Variants in TMEM132C observed in about 807,000 individuals in gnomAD.
The protein encoded by TMEM132C is transmembrane protein 132C.
In TMEM132C, 29 loss-of-function variants were observed where a neutral mutation model predicts 61.4. The ratio of observed to expected loss-of-function variants is 0.47; its 90% CI spans 0.35 to 0.64. The LOEUF is 0.64. TMEM132C is among the 30% of genes least tolerant of loss of function. TMEM132C has a pLI of 0.00. For synonymous variants in TMEM132C, 656 were observed against 633.1 expected, an observed-to-expected ratio of 1.04 and a Z score of -0.54; for missense variants, 1,408 against 1,476.9, an observed-to-expected ratio of 0.95 and a Z score of 0.76.
chr12:128,394,007 G>A (rs1468661780), intron 1 of TMEM132C, among the ~76,000 whole-genome samples: 1 of 152,112 alleles, frequency 6.6e-6, no homozygotes, highest in Non-Finnish European at 1.5e-5. Flanking sequence ...GCTGATAAAG[G>A]CACACCCAAG....
At chr12:128,670,292 G>C (rs1280778935) in intron 5 of TMEM132C, among the ~76,000 whole-genome samples, 1 of 152,196 alleles carries the variant, frequency 6.6e-6, no homozygotes, top group Non-Finnish European at 1.5e-5. Context: ...CTGGGTGGCA[G>C]AGCGAGACTC....
chr12:128,474,969 G>C (rs77831203), intron 2 of TMEM132C, among the ~76,000 whole-genome samples: 2,682 of 152,172 alleles, frequency 0.018, 86 homozygotes, highest in African/African-American at 0.062. Flanking sequence ...TTCTTTGCCC[G>C]GGACAATGAC....
In TMEM132C at chr12:128,415,073, A is replaced by G; in HGVS notation, c.427A>G (p.Ser143Gly). The G allele has an allele frequency of 6.2e-7, 1 of 1,601,184 alleles. No homozygotes were observed. Reference protein sequence around the residue: ...AHILRDKVYLSRPKVQVLFHI... With the variant: ...AHILRDKVYLGRPKVQVLFHI... Reference sequence around the variant, plus strand: ...CATCCTGCGGGACAAAGTCTACCTGAGCCGGCCCAAAGTGCAGGTTCTTTT... The same window carrying G: ...CATCCTGCGGGACAAAGTCTACCTGGGCCGGCCCAAAGTGCAGGTTCTTTT... Residue 143 changes from serine to glycine, a missense_variant, in exon 2 of 9, where the codon AGC becomes GGC. Physicochemically the swap from Ser to Gly is moderately conservative, Grantham distance 56. Coordinates refer to ENST00000435159, the MANE Select transcript of TMEM132C (RefSeq NM_001136103.3). The surrounding 1 kb of genome is among the most constrained non-coding windows in gnomAD (Gnocchi z 5.8).
chr12:128,307,530 T>C (rs1317899211), intron 1 of TMEM132C, among the ~76,000 whole-genome samples: 1 of 152,194 alleles, frequency 6.6e-6, no homozygotes, highest in African/African-American at 2.4e-5. Context: ...TTCTATCAGG[T>C]GACATGAAAA....
intron 5 of TMEM132C, among the ~76,000 whole-genome samples, chr12:128,681,784 G>T (rs957001412): frequency 6.7e-6 from 1 of 148,672 alleles, no homozygotes; most frequent in Non-Finnish European, 1.5e-5. Context: ...CTCCTGAGTA[G>T]CTGGGACTAC....
chr12:128,627,837 G>A (rs546853374), intron 4 of TMEM132C, among the ~76,000 whole-genome samples: 3 of 152,338 alleles, frequency 2.0e-5, no homozygotes, highest in Admixed American at 6.5e-5. Context: ...GTCCTGGTCA[G>A]TGCCATGAAA....
chr12:128,626,739 C>T (rs576091523), intron 4 of TMEM132C, among the ~76,000 whole-genome samples: 2 of 152,202 alleles, frequency 1.3e-5, no homozygotes, highest in African/African-American at 2.4e-5. Context: ...GCCACCATGC[C>T]CGGCCAGTAA....
In TMEM132C at chr12:128,705,101, C is replaced by A; in HGVS notation, c.2133C>A (p.Phe711Leu). ...CTGTGTCCCTGCAGGAGGCTGTATT[C>A]AGCACGTGGCTGCAGTTCAGTGATG... ...VLRTPKQEAV[F>L]STWLQFSDGS... is the part of the protein sequence containing the mutation. Residue 711 changes from phenylalanine to leucine, a missense_variant, in exon 9 of 9, where the codon TTC (phenylalanine) becomes TTA (leucine). Coordinates refer to ENST00000435159, the MANE Select transcript of TMEM132C (RefSeq NM_001136103.3). The A allele has an allele frequency of 6.5e-7, 1 of 1,537,646 alleles. No homozygotes were observed. The highest frequency in any genetic ancestry group is 8.8e-7 in the Non-Finnish European group (1 of 1,137,140).
chr12:128,615,586 C>T (rs902849139), intron 3 of TMEM132C, among the ~76,000 whole-genome samples: 1 of 152,084 alleles, frequency 6.6e-6, no homozygotes, highest in Non-Finnish European at 1.5e-5. Context: ...CAGTTCATGC[C>T]CCTATGAGAA....
chr12:128,391,246 G>T (rs1395251558), intron 1 of TMEM132C, among the ~76,000 whole-genome samples: 1 of 152,214 alleles, frequency 6.6e-6, no homozygotes, highest in Non-Finnish European at 1.5e-5. Flanking sequence ...TGGCCAGCAG[G>T]ATGGCCTTGG....
At chr12:128,406,691 G>A (rs1000404848) in intron 1 of TMEM132C, among the ~76,000 whole-genome samples, 1 of 152,154 alleles carries the variant, frequency 6.6e-6, no homozygotes, top group Non-Finnish European at 1.5e-5. Flanking sequence ...TCTGGAACAA[G>A]GATGTACTAA....
Position 128,705,527 on chromosome 12 carries a change from C to T in TMEM132C, c.2559C>T (p.Leu853=). 1.9e-6 allele frequency: 3 copies of T among 1,550,984 alleles called. No homozygotes were observed. The highest frequency in any genetic ancestry group is 1.7e-6 in the Non-Finnish European group (2 of 1,146,980). ...CCGTGGAGCGTGAGGAAGGGGCTCTCCGAAGAGCCACTACCACGGCCAGGT... is the reference window on the plus strand; with the variant it reads ...CCGTGGAGCGTGAGGAAGGGGCTCTTCGAAGAGCCACTACCACGGCCAGGT... ...SSPVEREEGA[L]RRATTTARSL... The change falls in exon 9 of 9, where the codon CTC becomes CTT. Residue 853 remains leucine, a synonymous_variant. Coordinates refer to ENST00000435159, the MANE Select transcript of TMEM132C (RefSeq NM_001136103.3).
chr12:128,330,133 G>T (rs1872633248), intron 1 of TMEM132C, among the ~76,000 whole-genome samples: 1 of 152,142 alleles, frequency 6.6e-6, no homozygotes, highest in Non-Finnish European at 1.5e-5. Flanking sequence ...CCGCCCACAG[G>T]TGTCTCTGCA....
chr12:128,417,382 T>A (rs554740142), intron 2 of TMEM132C, among the ~76,000 whole-genome samples: 19 of 152,160 alleles, frequency 1.2e-4, no homozygotes, highest in Non-Finnish European at 2.5e-4. Context: ...CCTGGGTCCC[T>A]AGGTCTAAGG....
At chr12:128,618,791 C>G (rs1358726483) in intron 4 of TMEM132C, among the ~76,000 whole-genome samples, 1 of 152,182 alleles carries the variant, frequency 6.6e-6, no homozygotes, top group Admixed American at 6.5e-5. Flanking sequence ...AGTCCATTAT[C>G]TATTTTCCTT....
At chr12:128,519,798 G>C (rs1872838577) in intron 2 of TMEM132C, among the ~76,000 whole-genome samples, 1 of 152,196 alleles carries the variant, frequency 6.6e-6, no homozygotes, top group Non-Finnish European at 1.5e-5. Flanking sequence ...TTGGCAGTTA[G>C]TGAGACCCCT....
intron 2 of TMEM132C, among the ~76,000 whole-genome samples, chr12:128,439,390 C>T (rs1051013749): frequency 6.6e-6 from 1 of 152,112 alleles, no homozygotes; most frequent in Non-Finnish European, 1.5e-5. Context: ...GTTTTATCAG[C>T]TTTTGAAATA....
chr12:128,455,411 G>C (rs943553475), intron 2 of TMEM132C, among the ~76,000 whole-genome samples: 2 of 152,206 alleles, frequency 1.3e-5, no homozygotes, highest in South Asian at 4.1e-4. Context: ...TCAGGTTCAG[G>C]AGGGGAATAT....
intron 1 of TMEM132C, among the ~76,000 whole-genome samples, chr12:128,394,985 G>A (rs1450881855): frequency 2.0e-5 from 3 of 150,790 alleles, no homozygotes; most frequent in Non-Finnish European, 4.4e-5. Context: ...ACTCCTCTTA[G>A]GTAATCACTT....
Sources: allele counts gnomAD v4.1 joint callset (sites outside exome capture counted in the v4.1 genomes callset), GRCh38; gene constraint gnomAD v4.1.1; non-coding constraint Gnocchi (gnomAD v3.1); transcripts MANE v1.5; gene names NCBI Gene and HGNC (gene_info 2026-07-23, HGNC 2026-07-21).